The following PLCB1 variants were observed in gnomAD, a reference collection of about 807,000 sequenced individuals.
PLCB1 encodes phospholipase C beta 1.
PLCB1 carries 46 observed loss-of-function variants against 161.8 expected under a neutral mutation model. The ratio of observed to expected loss-of-function variants is 0.28; its 90% CI spans 0.22 to 0.36. PLCB1 has a LOEUF of 0.36. PLCB1 is among the 10% of genes least tolerant of loss of function. PLCB1 has a pLI of 1.00. For synonymous variants in PLCB1, 517 were observed against 503.7 expected (o/e 1.03, Z -0.35); for missense variants, 1,016 against 1,472.5 (o/e 0.69, Z 5.07).
At chr20:8,245,911 A>C (rs1980854647) in intron 2 of PLCB1, among the ~76,000 whole-genome samples, 1 of 151,954 alleles carries the variant, frequency 6.6e-6, no homozygotes, top group African/African-American at 2.4e-5. Flanking sequence ...ATTAAGAAAA[A>C]ATTGAAATAA....
intron 3 of PLCB1, among the ~76,000 whole-genome samples, chr20:8,460,361 A>T (rs555252446): frequency 6.6e-6 from 1 of 152,336 alleles, no homozygotes; most frequent in East Asian, 1.9e-4. Context: ...GCCTGCTGAC[A>T]TTCAAGAGCA....
intron 2 of PLCB1, among the ~76,000 whole-genome samples, chr20:8,268,111 C>T (rs1356002600): frequency 6.6e-6 from 1 of 151,986 alleles, no homozygotes; most frequent in Admixed American, 6.6e-5. Flanking sequence ...TGCTATCCCT[C>T]CCCTCTCCCC....
chr20:8,658,816 G>A (rs1989542221), intron 9 of PLCB1, 112 bp downstream of exon 9: 1 of 876,450 alleles, frequency 1.1e-6, no homozygotes, highest in Admixed American at 2.7e-5. Flanking sequence ...CTGTTTACAA[G>A]GCATTCCTTT....
At chr20:8,512,858 T>C (rs750543490) in intron 3 of PLCB1, among the ~76,000 whole-genome samples, 1 of 152,214 alleles carries the variant, frequency 6.6e-6, no homozygotes, top group Non-Finnish European at 1.5e-5. Context: ...TTATTAACTC[T>C]AGTCACCTAA....
intron 31 of PLCB1, among the ~76,000 whole-genome samples, chr20:8,854,760 C>A (rs866877890): frequency 6.6e-6 from 1 of 152,214 alleles, no homozygotes; most frequent in African/African-American, 2.4e-5. Flanking sequence ...TCCACGCTGG[C>A]GAACGACAAA....
chr20:8,183,652 C>T (rs1392526984), intron 2 of PLCB1, among the ~76,000 whole-genome samples: 1 of 151,754 alleles, frequency 6.6e-6, no homozygotes, highest in Non-Finnish European at 1.5e-5. Context: ...TAAAATAAAC[C>T]CAAACAAGTT....
At chr20:8,584,629 A>C (rs533403275) in intron 3 of PLCB1, among the ~76,000 whole-genome samples, 1 of 151,924 alleles carries the variant, frequency 6.6e-6, no homozygotes, top group African/African-American at 2.4e-5. Context: ...TCCATGGAAG[A>C]ATTGTTTTTC....
chr20:8,611,983 C>T (rs1987918400), intron 3 of PLCB1, among the ~76,000 whole-genome samples: 1 of 152,032 alleles, frequency 6.6e-6, no homozygotes, highest in African/African-American at 2.4e-5. Flanking sequence ...ATATATTCAC[C>T]TCAAGTTTTC....
intron 2 of PLCB1, among the ~76,000 whole-genome samples, chr20:8,369,669 C>T (rs1986839786): frequency 6.6e-6 from 1 of 152,156 alleles, no homozygotes; most frequent in Non-Finnish European, 1.5e-5. Context: ...CCACCTGTCA[C>T]ACCCCAGGGG....
intron 9 of PLCB1, among the ~76,000 whole-genome samples, chr20:8,669,266 A>G (rs1394578793): frequency 6.6e-6 from 1 of 152,206 alleles, no homozygotes; most frequent in East Asian, 1.9e-4. Flanking sequence ...GTTTATTGAC[A>G]TTGTGGGGAG....
intron 3 of PLCB1, among the ~76,000 whole-genome samples, chr20:8,554,970 A>AAAAAT (rs933656223): frequency 9.2e-5 from 14 of 152,278 alleles, no homozygotes; most frequent in East Asian, 7.7e-4. Flanking sequence ...TTAGAAACTT[A>AAAAAT]AAAATAAAAT....
At chr20:8,308,692 G>A (rs2123333276) in intron 2 of PLCB1, among the ~76,000 whole-genome samples, 1 of 151,640 alleles carries the variant, frequency 6.6e-6, no homozygotes, top group South Asian at 2.1e-4. Context: ...GAAATACATG[G>A]AGGCTACATA....
chr20:8,577,576 C>T (rs768447477), intron 3 of PLCB1, among the ~76,000 whole-genome samples: 10 of 152,144 alleles, frequency 6.6e-5, no homozygotes, highest in African/African-American at 1.7e-4. Context: ...AATTCCCCCA[C>T]GATATGTGTC....
At chr20:8,718,214 G>A (rs188820325) in intron 14 of PLCB1, among the ~76,000 whole-genome samples, 34 of 150,030 alleles carry the variant, frequency 2.3e-4, no homozygotes, top group Admixed American at 9.2e-4. Flanking sequence ...GTGAGACTCC[G>A]TCTCAAAAAA....
chr20:8,354,803 G>A (rs1418260147), intron 2 of PLCB1, among the ~76,000 whole-genome samples: 3 of 152,170 alleles, frequency 2.0e-5, no homozygotes, highest in African/African-American at 7.2e-5. Context: ...TCACTACAGA[G>A]CTAACATTTG....
rs188182670 is a variant in PLCB1, at chr20:8,704,396, A to G, written c.1168-4274A>G. 5.9e-5 allele frequency among the ~76,000 whole-genome samples: 9 copies of G among 152,254 alleles called. No homozygotes were observed. The East Asian group carries it at 1.7e-3, about 29-fold the overall frequency. ...AGAAAAGTTAGCAAAGACTAATTAC[A>G]CTTTTATTTACATGTGTATTTGCAG... On this transcript the variant is annotated intron_variant, in intron 11 of 31. Coordinates refer to ENST00000338037, the MANE Select transcript of PLCB1 (RefSeq NM_015192.4).
At chr20:8,794,068 G>A (rs1600332889) in intron 31 of PLCB1, among the ~76,000 whole-genome samples, 1 of 152,186 alleles carries the variant, frequency 6.6e-6, no homozygotes, top group Non-Finnish European at 1.5e-5. Context: ...CAGAGTTTAA[G>A]GTTATCTCTC....
intron 11 of PLCB1, among the ~76,000 whole-genome samples, chr20:8,707,318 C>T (rs1978740737): frequency 6.6e-6 from 1 of 151,690 alleles, no homozygotes; most frequent in South Asian, 2.1e-4. Context: ...GAGACGATAG[C>T]AGAAAAGGCT....
chr20:8,594,287 C>G (rs1987250583), intron 3 of PLCB1, among the ~76,000 whole-genome samples: 1 of 152,128 alleles, frequency 6.6e-6, no homozygotes, highest in Non-Finnish European at 1.5e-5. Context: ...TCTTGAGAAA[C>G]TTGTTGCCCT....
Sources: allele counts gnomAD v4.1 joint callset (sites outside exome capture counted in the v4.1 genomes callset), GRCh38; gene constraint gnomAD v4.1.1; transcripts MANE v1.5; gene names NCBI Gene and HGNC (gene_info 2026-07-23, HGNC 2026-07-21).